MED28: variants seen among roughly 807,000 people sequenced by gnomAD.
The protein encoded by MED28 is mediator complex subunit 28, also known as mediator of RNA polymerase II transcription subunit 28.
A neutral mutation model predicts 21.3 loss-of-function variants in MED28; 26 were observed. The observed-to-expected ratio is 1.22, with a 90% CI of 0.89 to 1.69. MED28 has a LOEUF of 1.69. Ranked by LOEUF, MED28 falls within the 40% of genes most tolerant of loss-of-function variation. The pLI is 0.00. For synonymous variants in MED28, 110 were observed against 87.6 expected, an observed-to-expected ratio of 1.26 and a Z score of -1.43; for missense variants, 257 against 215.4, an observed-to-expected ratio of 1.19 and a Z score of -1.21.
chr4:17,633,746 G>C lies in MED28; in HGVS notation c.*9948G>C. 3 of 1,550,784 alleles carry C rather than the reference G, an allele frequency of 1.9e-6. No individual in the cohort carries two copies. The highest frequency in any genetic ancestry group is 8.7e-7 in the Non-Finnish European group (1 of 1,146,620). The stretch of plus-strand genomic sequence containing the variant: ...GGGTTTGTAGGTCCGGCCACAGCTG[G>C]GGCTTGGGTCCAAGCTGGGTGATGT... On this transcript the variant is annotated 3_prime_UTR_variant, in exon 4 of 4. Transcript: ENST00000237380.
At position 17,629,451 on chromosome 4, in the gene MED28, G is replaced by A. The variant is rs1394113249; in HGVS notation, c.*5653G>A. 6.6e-6 allele frequency: 1 copy of A among 152,230 alleles called. No homozygotes were observed. Among genetic ancestry groups the A allele is most frequent in the Non-Finnish European group, 1.5e-5 (1 of 68,056 alleles). The allele number at this position is 152,230 out of a possible 1,614,324, so 9.4% of individuals were successfully genotyped here. A position where few individuals can be genotyped will look rare whatever the true frequency, so the allele number is the denominator to read the frequency against. The stretch of plus-strand genomic sequence containing the variant: ...GGTTGGATATTACATCAGTGTTAGA[G>A]CAGTTAAGGGCTCAGGTATGTGGTG... On this transcript the variant is annotated 3_prime_UTR_variant, in exon 4 of 4. Transcript: ENST00000237380.
rs1444763782 is a variant in MED28, at chr4:17,623,642, A to T, written c.381A>T (p.Ala127=). ...GGAATGAATTACAGCGGAAAGATGC[A>T]CTAGTCCAGAAGCACTTGACAAAGC... The part of the protein sequence containing the change: ...ELRNELQRKD[A]LVQKHLTKLR... The change falls in exon 4 of 4, where the codon GCA becomes GCT. Residue 127 remains alanine, a synonymous_variant. Transcript: ENST00000237380. 6.2e-7 allele frequency: 1 copy of T among 1,614,214 alleles called. No individual in the cohort carries two copies. The highest frequency in any genetic ancestry group is 1.1e-5 in the South Asian group (1 of 91,088).
intron 1 of MED28, among the ~76,000 whole-genome samples, chr4:17,619,640 G>A (rs962006441): frequency 1.3e-5 from 2 of 152,152 alleles, no homozygotes; most frequent in African/African-American, 4.8e-5. Flanking sequence ...TGTGGAATAA[G>A]ATACAGGGAA....
intron 3 of MED28, among the ~76,000 whole-genome samples, chr4:17,622,155 A>G (rs1287477275): frequency 6.6e-6 from 1 of 152,152 alleles, no homozygotes; most frequent in African/African-American, 2.4e-5. Context: ...GTTCTAAGCT[A>G]GGGCATTTGG....
At chr4:17,621,553 C>T (rs368121116) in intron 2 of MED28, 34 bp from the exon 3 acceptor site, 1 of 1,413,860 alleles carries the variant, frequency 7.1e-7, no homozygotes, top group Non-Finnish European at 9.6e-7. Context: ...TGTTGTTTTT[C>T]TTATTTTAAT....
rs1385483183 is a variant in MED28, at chr4:17,631,590, G to A, written c.*7792G>A. On this transcript the variant is annotated 3_prime_UTR_variant, in exon 4 of 4. Coordinates refer to ENST00000237380, the MANE Select transcript of MED28 (RefSeq NM_025205.5). The stretch of plus-strand genomic sequence containing the variant: ...TTGGTTATTTACAGAAAAACCTTGT[G>A]GTACTTAATTCCAATTCATGTTAAT... 6.6e-6 allele frequency: 1 copy of A among 151,156 alleles called. No homozygotes were observed. The highest frequency in any genetic ancestry group is 1.5e-5 in the Non-Finnish European group (1 of 68,008). The allele number at this position is 151,156 out of a possible 1,614,324, so 9.4% of individuals were successfully genotyped here.
chr4:17,619,859 T>C, intron 1 of MED28, 42 bp from the exon 2 acceptor site: 1 of 1,569,868 alleles, frequency 6.4e-7, no homozygotes, highest in Non-Finnish European at 8.8e-7. Context: ...ATTTTTGATG[T>C]ATAAATGATA....
intron 1 of MED28, among the ~76,000 whole-genome samples, chr4:17,616,555 T>G (rs2108914999): frequency 6.6e-6 from 1 of 152,298 alleles, no homozygotes; most frequent in East Asian, 1.9e-4. Context: ...CGTTCTCTCC[T>G]TCAGACTCGT....
chr4:17,619,532 G>C (rs946609573), intron 1 of MED28, among the ~76,000 whole-genome samples: 4 of 152,192 alleles, frequency 2.6e-5, no homozygotes, highest in Middle Eastern at 3.2e-3. Flanking sequence ...TGTCTCTGAG[G>C]GGGAGAAGAT....
rs551335077 is a variant in MED28, at chr4:17,628,307, T to C, written c.*4509T>C. On this transcript the variant is annotated 3_prime_UTR_variant, in exon 4 of 4. Transcript: ENST00000237380. ...GTGTGTGTGTATGTGTATATGCGTA[T>C]ATATGTGTATGTATGTGTGTATATA... The C allele has an allele frequency of 6.6e-6, 1 of 151,680 alleles. No homozygotes were observed. The highest frequency in any genetic ancestry group is 1.9e-4 in the East Asian group (1 of 5,154). 9.4% of individuals were successfully genotyped at this position (151,680 alleles called of 1,614,324 possible).
chr4:17,614,835 T>G, intron 1 of MED28, 22 bp downstream of exon 1: 2 of 1,580,980 alleles, frequency 1.3e-6, no homozygotes, highest in Non-Finnish European at 1.7e-6. Flanking sequence ...CATGGGCGTC[T>G]TTGTCCCTAG....
At chr4:17,622,448 T>G (rs745581629) in intron 3 of MED28, among the ~76,000 whole-genome samples, 25 of 152,352 alleles carry the variant, frequency 1.6e-4, no homozygotes, top group Middle Eastern at 3.4e-3. Flanking sequence ...ATGTGAATAC[T>G]TGAATAACAG....
chr4:17,623,413 A>C (rs1714689470), intron 3 of MED28, among the ~76,000 whole-genome samples, 188 bp from the exon 4 acceptor site: 1 of 151,798 alleles, frequency 6.6e-6, no homozygotes, highest in African/African-American at 2.4e-5. Flanking sequence ...AAAAAAAAAA[A>C]AAGCCCATAA....
At position 17,629,320 on chromosome 4, in the gene MED28, G is replaced by A. The variant is rs898307793; in HGVS notation, c.*5522G>A. ...TACCCTTGGAAATCTGACAGATACA[G>A]TAAGATGGTCCCTATCATAGTTCCA... On this transcript the variant is annotated 3_prime_UTR_variant, in exon 4 of 4. Transcript: ENST00000237380. The A allele has an allele frequency of 3.3e-5, 5 of 152,230 alleles. No homozygotes were observed. Among genetic ancestry groups the A allele is most frequent in the African/African-American group, 1.2e-4 (5 of 41,446 alleles). 9.4% of individuals were successfully genotyped at this position (152,230 alleles called of 1,614,324 possible). A position where few individuals can be genotyped will look rare whatever the true frequency, so the allele number is the denominator to read the frequency against.
intron 2 of MED28, among the ~76,000 whole-genome samples, chr4:17,620,374 G>T: frequency 1.6e-5 from 2 of 122,670 alleles, no homozygotes; most frequent in Non-Finnish European, 1.7e-5. Flanking sequence ...TTTTTTGATG[G>T]AGTTTCACTC....
At chr4:17,616,679 C>T (rs1714463820) in intron 1 of MED28, among the ~76,000 whole-genome samples, 1 of 152,188 alleles carries the variant, frequency 6.6e-6, no homozygotes, top group African/African-American at 2.4e-5. Flanking sequence ...CTTCCCTGGC[C>T]TTCTTTTTAA....
At chr4:17,622,563 A>G (rs1184072083) in intron 3 of MED28, among the ~76,000 whole-genome samples, 1 of 151,984 alleles carries the variant, frequency 6.6e-6, no homozygotes, top group Non-Finnish European at 1.5e-5. Flanking sequence ...GTGATAGATC[A>G]GTGGTGTGGA....
At chr4:17,620,509 T>C (rs1394899350) in intron 2 of MED28, among the ~76,000 whole-genome samples, 1 of 152,102 alleles carries the variant, frequency 6.6e-6, no homozygotes, top group Non-Finnish European at 1.5e-5. Flanking sequence ...AATTTTATAT[T>C]TTTAGTAGAG....
chr4:17,620,980 T>A (rs1316486576), intron 2 of MED28, among the ~76,000 whole-genome samples: 1 of 151,540 alleles, frequency 6.6e-6, no homozygotes, highest in Non-Finnish European at 1.5e-5. Context: ...AGTGCTGGGA[T>A]TACAGGCGTG....
Sources: gnomAD v4.1 joint callset for allele counts (sites outside exome capture counted in the v4.1 genomes callset) on GRCh38, gnomAD v4.1.1 for gene constraint, MANE v1.5 for transcripts, NCBI Gene and HGNC (gene_info 2026-07-23, HGNC 2026-07-21) for gene names.